The following ANO2 variants were observed in gnomAD, a reference collection of about 807,000 sequenced individuals.
ANO2 encodes the protein anoctamin 2, also known as anoctamin-2.
ANO2 carries 101 observed loss-of-function variants against 124.2 expected under a neutral mutation model. That is an observed-to-expected ratio of 0.81 (90% CI 0.69 to 0.96). ANO2 has a LOEUF of 0.96. Among genes scored for constraint, ANO2 ranks in the 40% least tolerant of loss-of-function variants. The pLI is 0.00. For missense variants in ANO2, 1,293 were observed against 1,274.5 expected (o/e 1.01, Z -0.22); for synonymous variants, 486 against 482.5 (o/e 1.01, Z -0.09).
At chr12:5,797,489 G>A (rs1952899159) in intron 10 of ANO2, among the ~76,000 whole-genome samples, 1 of 152,158 alleles carries the variant, frequency 6.6e-6, no homozygotes, top group Admixed American at 6.5e-5. Context: ...TGCTCACTGA[G>A]TCTAAGTAGC....
chr12:5,930,847 G>A (rs1942333584), intron 1 of ANO2, among the ~76,000 whole-genome samples: 1 of 152,088 alleles, frequency 6.6e-6, no homozygotes, highest in Admixed American at 6.5e-5. Context: ...CTGCTCTCCA[G>A]TTCCCTCCAT....
chr12:5,672,668 A>G (rs1241869584), intron 14 of ANO2, among the ~76,000 whole-genome samples: 1 of 152,194 alleles, frequency 6.6e-6, no homozygotes, highest in Admixed American at 6.5e-5. Flanking sequence ...CACAAATAAG[A>G]AAGTAGACAA....
intron 14 of ANO2, among the ~76,000 whole-genome samples, chr12:5,707,125 G>A (rs747293776): frequency 2.6e-5 from 4 of 152,120 alleles, no homozygotes; most frequent in Non-Finnish European, 2.9e-5. Flanking sequence ...TCATGGGGAC[G>A]GTTTCCCCCA....
intron 4 of ANO2, among the ~76,000 whole-genome samples, chr12:5,852,480 T>C (rs1214373355): frequency 6.6e-6 from 1 of 152,222 alleles, no homozygotes; most frequent in Non-Finnish European, 1.5e-5. Context: ...CGTGGAGTTA[T>C]TGTCCATTGT....
intron 20 of ANO2, chr12:5,583,859 C>A: frequency 5.2e-6 from 1 of 191,678 alleles, no homozygotes; most frequent in South Asian, 1.2e-4. Flanking sequence ...AGAATATCAT[C>A]ATGGTGAACA....
intron 3 of ANO2, among the ~76,000 whole-genome samples, chr12:5,877,793 T>C (rs966741267): frequency 6.6e-6 from 1 of 152,208 alleles, no homozygotes; most frequent in Non-Finnish European, 1.5e-5. Flanking sequence ...TAAATTCTCA[T>C]AAGGAACGCA....
intron 4 of ANO2, among the ~76,000 whole-genome samples, chr12:5,844,839 G>GTT (rs1555172473): frequency 1.7e-4 from 26 of 150,978 alleles, no homozygotes; most frequent in South Asian, 6.3e-4. Context: ...CAGTTTTTGT[G>GTT]TGTTTGTTTG....
At chr12:5,815,793 T>C (rs1683585270) in intron 7 of ANO2, among the ~76,000 whole-genome samples, 1 of 152,192 alleles carries the variant, frequency 6.6e-6, no homozygotes, top group Non-Finnish European at 1.5e-5. Context: ...TGCTGTCTTA[T>C]TGTTTTTCTT....
At chr12:5,799,072 C>T (rs1375322007) in intron 10 of ANO2, among the ~76,000 whole-genome samples, 3 of 152,348 alleles carry the variant, frequency 2.0e-5, no homozygotes, top group African/African-American at 4.8e-5. Context: ...AGTCCACATT[C>T]TGTCAGGCCA....
Position 5,807,342 on chromosome 12 carries a change from T to C in ANO2, c.919A>G (p.Ile307Val), listed in dbSNP as rs1953230268. 8 of 1,556,600 alleles carry C rather than the reference T, an allele frequency of 5.1e-6. No individual in the cohort carries two copies. Among genetic ancestry groups the C allele is most frequent in the Non-Finnish European group, 7.0e-6 (8 of 1,149,844 alleles). Residue 307 changes from isoleucine (I) to valine (V), a missense_variant, in exon 8 of 25, where the codon ATC becomes GTC. Coordinates refer to ENST00000682330, the MANE Select transcript of ANO2 (RefSeq NM_001364791.2). Reference sequence around the variant, plus strand: ...TGAAGAGGGTAGGCAGCCTCATAGATATTGTTTGCGATCAGAGAGTTAATA... The same window carrying C: ...TGAAGAGGGTAGGCAGCCTCATAGACATTGTTTGCGATCAGAGAGTTAATA... ...MGINSLIANN[I>V]YEAAYPLHDG...
chr12:5,751,551 G>A (rs747116789), intron 10 of ANO2, among the ~76,000 whole-genome samples: 1 of 152,172 alleles, frequency 6.6e-6, no homozygotes, highest in Non-Finnish European at 1.5e-5. Flanking sequence ...GTTTACTGAG[G>A]TATGTTGGCA....
intron 10 of ANO2, among the ~76,000 whole-genome samples, chr12:5,755,843 G>A (rs563546622): frequency 6.7e-4 from 102 of 152,194 alleles, no homozygotes; most frequent in Admixed American, 2.6e-3. Flanking sequence ...ACCTCTTTGG[G>A]TTCAATGTAC....
intron 14 of ANO2, among the ~76,000 whole-genome samples, chr12:5,724,231 G>A (rs915113364): frequency 6.6e-6 from 1 of 152,026 alleles, no homozygotes; most frequent in Non-Finnish European, 1.5e-5. Flanking sequence ...CTCTTTCTGT[G>A]CCTCAGTGTT....
intron 14 of ANO2, among the ~76,000 whole-genome samples, chr12:5,682,082 T>C (rs1168663218): frequency 1.3e-5 from 2 of 152,232 alleles, no homozygotes; most frequent in African/African-American, 4.8e-5. Flanking sequence ...AATGAATGCA[T>C]AGAGATCCAT....
chr12:5,923,188 A>C (rs1469002703), intron 1 of ANO2, among the ~76,000 whole-genome samples: 1 of 112,480 alleles, frequency 8.9e-6, no homozygotes, highest in Non-Finnish European at 1.8e-5. Context: ...ACACACATAC[A>C]CACACACGCA....
intron 11 of ANO2, among the ~76,000 whole-genome samples, chr12:5,749,381 C>T (rs1277030430): frequency 1.3e-5 from 2 of 152,192 alleles, no homozygotes; most frequent in Non-Finnish European, 2.9e-5. Flanking sequence ...AGTCATAGTA[C>T]TTTTTCACTT....
chr12:5,739,808 T>C, intron 12 of ANO2: 1 of 452,048 alleles, frequency 2.2e-6, no homozygotes, highest in Admixed American at 2.4e-5. Flanking sequence ...CTGTCACTTT[T>C]TCCCTACATT....
chr12:5,675,065 A>G (rs1366656044), intron 14 of ANO2, among the ~76,000 whole-genome samples: 8 of 152,140 alleles, frequency 5.3e-5, no homozygotes, highest in Non-Finnish European at 1.2e-4. Context: ...CAAACCTACA[A>G]CAGTTCCTGA....
intron 14 of ANO2, among the ~76,000 whole-genome samples, chr12:5,708,433 C>G (rs1314576099): frequency 6.6e-6 from 1 of 152,210 alleles, no homozygotes. Flanking sequence ...TCTAGCTCCT[C>G]TTTGACCTTC....
Sources: gnomAD v4.1 joint callset for allele counts (sites outside exome capture counted in the v4.1 genomes callset) on GRCh38, gnomAD v4.1.1 for gene constraint, MANE v1.5 for transcripts, NCBI Gene and HGNC (gene_info 2026-07-23, HGNC 2026-07-21) for gene names.